The following PDE1A variants were observed in gnomAD, a reference collection of about 807,000 sequenced individuals.
The protein encoded by PDE1A is dual specificity calcium/calmodulin-dependent 3',5'-cyclic nucleotide phosphodiesterase 1A.
In PDE1A, 35 loss-of-function variants were observed where a neutral mutation model predicts 61.7. The ratio of observed to expected loss-of-function variants is 0.57; its 90% CI spans 0.43 to 0.75. PDE1A has a LOEUF of 0.75. Among genes scored for constraint, PDE1A ranks in the 30% least tolerant of loss-of-function variants. PDE1A has a pLI of 0.00. For synonymous variants in PDE1A, 232 were observed against 213.2 expected (o/e 1.09, Z -0.77); for missense variants, 597 against 630.6 (o/e 0.95, Z 0.57).
chr2:182,567,581 A>G, the PDE1A span, among the ~76,000 whole-genome samples: 1 of 152,094 alleles, frequency 6.6e-6, no homozygotes, highest in African/African-American at 2.4e-5. Context: ...TAAAGCAAAT[A>G]CAGTGATTTC....
At chr2:182,470,798 T>C (rs1186889967) in intron 2 of PDE1A, among the ~76,000 whole-genome samples, 1 of 151,864 alleles carries the variant, frequency 6.6e-6, no homozygotes, top group East Asian at 1.9e-4. Context: ...GAATCTCAAC[T>C]GTGTTACAGA....
At chr2:182,258,058 C>T (rs542192082) in intron 2 of PDE1A, among the ~76,000 whole-genome samples, 13 of 151,944 alleles carry the variant, frequency 8.6e-5, no homozygotes, top group South Asian at 4.2e-4. Flanking sequence ...GTCCCAGCTA[C>T]GCGGGAGGCT....
chr2:182,599,668 C>T, the PDE1A span, among the ~76,000 whole-genome samples: 3 of 152,214 alleles, frequency 2.0e-5, no homozygotes, highest in South Asian at 4.1e-4. Context: ...AATGCCCCCA[C>T]TAGATTTGAA....
At chr2:182,695,897 C>T in the PDE1A span, among the ~76,000 whole-genome samples, 1 of 152,010 alleles carries the variant, frequency 6.6e-6, no homozygotes, top group Non-Finnish European at 1.5e-5. Context: ...TAAGGAAATC[C>T]AAATTAAAGC....
At chr2:182,561,431 C>T in the PDE1A span, among the ~76,000 whole-genome samples, 1 of 152,064 alleles carries the variant, frequency 6.6e-6, no homozygotes, top group South Asian at 2.1e-4. Context: ...GTTTTGGTAC[C>T]AGTACCATGC....
At chr2:182,360,089 C>T (rs997665415) in intron 1 of PDE1A, among the ~76,000 whole-genome samples, 3 of 152,178 alleles carry the variant, frequency 2.0e-5, no homozygotes, top group Non-Finnish European at 4.4e-5. Context: ...CTCTGGGCTC[C>T]TTTTCTTTCC....
chr2:182,599,218 G>A, the PDE1A span, among the ~76,000 whole-genome samples: 5 of 152,186 alleles, frequency 3.3e-5, no homozygotes, highest in African/African-American at 9.7e-5. Context: ...TGCTATGGGT[G>A]CCTGCTCCCA....
the PDE1A span, among the ~76,000 whole-genome samples, chr2:182,587,791 T>TAGAG: frequency 6.6e-6 from 1 of 152,216 alleles, no homozygotes. Flanking sequence ...ATTAAATGTC[T>TAGAG]AATACGTTCA....
chr2:182,517,227 G>A (rs539504022), intron 2 of PDE1A, among the ~76,000 whole-genome samples: 1 of 152,318 alleles, frequency 6.6e-6, no homozygotes, highest in Admixed American at 6.5e-5. Context: ...CTACTTAAGA[G>A]ACTTATGTTT....
In PDE1A at chr2:182,257,234, C is replaced by T. The variant is rs188009525; in HGVS notation, c.167+7067G>A. Among the ~76,000 whole-genome samples the T allele has an allele frequency of 4.6e-5, 7 of 152,310 alleles. No individual in the cohort carries two copies. The East Asian group carries it at 1.4e-3, about 29-fold the overall frequency. ...TAACTACCCTCCTGTTCCACACCTCCAATTTTATCCCCTCCCTTGATTTAA... is the reference window on the plus strand; with the variant it reads ...TAACTACCCTCCTGTTCCACACCTCTAATTTTATCCCCTCCCTTGATTTAA... On this transcript the variant is annotated intron_variant, in intron 2 of 13. Transcript: ENST00000351439.
intron 1 of PDE1A, among the ~76,000 whole-genome samples, chr2:182,341,309 C>A (rs1340517941): frequency 6.6e-6 from 1 of 152,200 alleles, no homozygotes; most frequent in African/African-American, 2.4e-5. Context: ...AACTCCTCAT[C>A]CACAGCATCC....
chr2:182,597,319 T>G, the PDE1A span, among the ~76,000 whole-genome samples: 1 of 152,320 alleles, frequency 6.6e-6, no homozygotes, highest in East Asian at 1.9e-4. Context: ...AGGATAGGTA[T>G]ATGACTTATT....
chr2:182,592,138 C>T, the PDE1A span, among the ~76,000 whole-genome samples: 1 of 152,212 alleles, frequency 6.6e-6, no homozygotes, highest in Non-Finnish European at 1.5e-5. Flanking sequence ...TGCCCCCAAG[C>T]ACCTCAGAGA....
chr2:182,385,592 T>A (rs1700983427), intron 1 of PDE1A, among the ~76,000 whole-genome samples: 1 of 129,352 alleles, frequency 7.7e-6, no homozygotes, highest in Non-Finnish European at 1.6e-5. Flanking sequence ...AACATACCAT[T>A]AAAGAAAAAT....
chr2:182,583,294 G>A, the PDE1A span, among the ~76,000 whole-genome samples: 1 of 152,144 alleles, frequency 6.6e-6, no homozygotes, highest in Non-Finnish European at 1.5e-5. Flanking sequence ...AATAATTGAG[G>A]AAATTATCAG....
chr2:182,278,622 A>G (rs1693599521), intron 1 of PDE1A, among the ~76,000 whole-genome samples: 1 of 152,014 alleles, frequency 6.6e-6, no homozygotes, highest in Non-Finnish European at 1.5e-5. Flanking sequence ...ACTAGACTTC[A>G]AAATTACATG....
the PDE1A span, among the ~76,000 whole-genome samples, chr2:182,568,284 G>C: frequency 6.6e-6 from 1 of 151,938 alleles, no homozygotes; most frequent in African/African-American, 2.4e-5. Context: ...ATTTTTCATT[G>C]AACTCATATT....
chr2:182,572,545 G>A, the PDE1A span, among the ~76,000 whole-genome samples: 4 of 152,092 alleles, frequency 2.6e-5, no homozygotes, highest in Admixed American at 2.0e-4. Flanking sequence ...CTACTTCATT[G>A]TAAAACCTCT....
At chr2:182,567,776 TTTTTTTCTTTTTTTC>T in the PDE1A span, among the ~76,000 whole-genome samples, 1 of 151,418 alleles carries the variant, frequency 6.6e-6, no homozygotes, top group East Asian at 1.9e-4. Flanking sequence ...ATGTTTACTT[TTTTTTTCTTTTTTTC>T]TTTTTTCTTT....
Sources: allele counts gnomAD v4.1 joint callset (sites outside exome capture counted in the v4.1 genomes callset), GRCh38; gene constraint gnomAD v4.1.1; transcripts MANE v1.5; gene names NCBI Gene and HGNC (gene_info 2026-07-23, HGNC 2026-07-21).